SNX14: variants seen among roughly 807,000 people sequenced by gnomAD.
SNX14 encodes sorting nexin-14.
Under a neutral mutation model 133.8 loss-of-function variants are expected in SNX14, and 93 were observed. The observed-to-expected ratio is 0.70, with a 90% CI of 0.59 to 0.83. SNX14 has a LOEUF of 0.83. Among genes scored for constraint, SNX14 ranks in the 40% least tolerant of loss-of-function variants. SNX14 has a pLI of 0.00. For missense variants in SNX14, 945 were observed against 1,094.9 expected (o/e 0.86, Z 1.93); for synonymous variants, 368 against 365.6 (o/e 1.01, Z -0.07).
chr6:85,593,412 C>T lies in SNX14; in HGVS notation c.140+167G>A, dbSNP rs1468578086. ...CCACCCCACCGGCCTGTGCTTCCGG[C>T]CTCGACGCTCCGCCGTGCTCCCCGA... On this transcript the variant is annotated intron_variant, in intron 1 of 28. Coordinates refer to ENST00000314673, the MANE Select transcript of SNX14 (RefSeq NM_153816.6). Among the ~76,000 whole-genome samples the T allele has an allele frequency of 2.0e-5, 3 of 152,232 alleles. No homozygotes were observed. The East Asian group carries it at 5.8e-4, about 29-fold the overall frequency.
At chr6:85,538,931 C>G in intron 15 of SNX14, 67 bp from the exon 16 acceptor site, 1 of 1,380,300 alleles carries the variant, frequency 7.2e-7, no homozygotes, top group Non-Finnish European at 9.9e-7. Flanking sequence ...ATTATATAAA[C>G]TTCATTTTAG....
chr6:85,572,257 G>A (rs1161335139), intron 3 of SNX14, 41 bp downstream of exon 3: 1 of 1,608,506 alleles, frequency 6.2e-7, no homozygotes, highest in Admixed American at 1.7e-5. Flanking sequence ...AAATCCAAAT[G>A]TAATTAGAAG....
chr6:85,511,973 G>T (rs890223910), intron 26 of SNX14, among the ~76,000 whole-genome samples: 5 of 152,148 alleles, frequency 3.3e-5, no homozygotes, highest in Admixed American at 2.6e-4. Flanking sequence ...CCTAGGAGGG[G>T]GTCTCAATCT....
At chr6:85,593,300 G>A (rs1352486727) in intron 1 of SNX14, among the ~76,000 whole-genome samples, 1 of 152,220 alleles carries the variant, frequency 6.6e-6, no homozygotes, top group Admixed American at 6.5e-5. Context: ...CTTTTGAAAA[G>A]CAACGAAGAT....
At chr6:85,558,791 G>T (rs983094511) in intron 6 of SNX14, among the ~76,000 whole-genome samples, 4 of 151,950 alleles carry the variant, frequency 2.6e-5, no homozygotes, top group African/African-American at 9.7e-5. Context: ...CTGGTTTCAA[G>T]ATATATGGAA....
At chr6:85,588,530 T>C (rs1044343579) in intron 1 of SNX14, among the ~76,000 whole-genome samples, 2 of 152,090 alleles carry the variant, frequency 1.3e-5, no homozygotes, top group African/African-American at 4.8e-5. Flanking sequence ...TGAGCCAAGA[T>C]AGCGCCACTG....
At chr6:85,519,471 T>G (rs144546530) in intron 21 of SNX14, among the ~76,000 whole-genome samples, 238 of 152,286 alleles carry the variant, frequency 1.6e-3, no homozygotes, top group African/African-American at 5.2e-3. Context: ...TCTACAGATA[T>G]TTAAAAATTA....
Position 85,558,338 on chromosome 6 carries a change from T to C in SNX14, c.550-278A>G, listed in dbSNP as rs151281278. Among the ~76,000 whole-genome samples, 7 of 152,326 alleles carry C rather than the reference T, an allele frequency of 4.6e-5. No individual in the cohort carries two copies. In the East Asian group the frequency reaches 1.3e-3, roughly 29 times the overall value. On this transcript the variant is annotated intron_variant, in intron 6 of 28. Transcript: ENST00000314673. ...TAGCTTCTTTACGTGTTCTTTGTAT[T>C]AAATGCGTTCAAGGAAAACTCCAGT...
At chr6:85,589,251 TAG>T (rs779550007) in intron 1 of SNX14, 10 of 179,754 alleles carry the variant, frequency 5.6e-5, no homozygotes, top group Admixed American at 3.5e-4. Flanking sequence ...TTTTTTGAGA[TAG>T]AGTCTCACTC....
intron 1 of SNX14, among the ~76,000 whole-genome samples, chr6:85,578,443 G>C (rs562361326): frequency 4.8e-4 from 73 of 152,042 alleles, no homozygotes; most frequent in Non-Finnish European, 6.3e-4. Flanking sequence ...AAGGGAAGAG[G>C]GGGGTATCCT....
chr6:85,521,625 T>C (rs1042199843), intron 21 of SNX14, among the ~76,000 whole-genome samples: 4 of 152,248 alleles, frequency 2.6e-5, no homozygotes, highest in African/African-American at 9.6e-5. Context: ...TTCACTCTGC[T>C]GCTTGTTTCC....
chr6:85,583,251 T>A lies in SNX14; in HGVS notation c.141-8873A>T, dbSNP rs1340060956. On this transcript the variant is annotated intron_variant, in intron 1 of 28. Transcript: ENST00000314673. ...ATCAATAAACTAGGTATTCATGGAA[T>A]CTATCTCAAAATAATAAGAGTTATT... 4.6e-4 allele frequency among the ~76,000 whole-genome samples: 70 copies of A among 152,142 alleles called. 1 individual carries two copies. Among genetic ancestry groups the A allele is most frequent in the Admixed American group, 4.6e-3 (70 of 15,262 alleles).
intron 1 of SNX14, among the ~76,000 whole-genome samples, chr6:85,586,230 T>C (rs2128235689): frequency 6.6e-6 from 1 of 152,330 alleles, no homozygotes; most frequent in Non-Finnish European, 1.5e-5. Flanking sequence ...AGTATACCTG[T>C]TTTTGTATGC....
At chr6:85,552,068 G>T (rs892251609) in intron 7 of SNX14, among the ~76,000 whole-genome samples, 1 of 126,746 alleles carries the variant, frequency 7.9e-6, no homozygotes. Context: ...ACGGAGTCTC[G>T]CTCTGTCGCC....
chr6:85,533,581 G>T lies in SNX14; in HGVS notation c.1810+18C>A, dbSNP rs1321452025. On this transcript the variant is annotated intron_variant, in intron 18 of 28. Coordinates refer to ENST00000314673, the MANE Select transcript of SNX14 (RefSeq NM_153816.6). ...TTCATGGGCATCTTTTAAGAAAGGT[G>T]CTCAGAAAGCTTCCTACCTGCTCTT... 6.2e-7 allele frequency: 1 copy of T among 1,606,768 alleles called. No individual in the cohort carries two copies. The highest frequency in any genetic ancestry group is 1.7e-5 in the Admixed American group (1 of 59,246).
Position 85,513,833 on chromosome 6 carries a change from G to C in SNX14, c.2620C>G (p.Gln874Glu). Residue 874 changes from glutamine to glutamate, a missense_variant, in exon 26 of 29, where the codon CAG (glutamine) becomes GAG (glutamate). By Grantham distance (29) the Gln-to-Glu change is conservative. Around this residue, in one of 3 missense-constraint regions of SNX14, gnomAD observed 412 missense variants for 516.6 expected, o/e 0.80. Transcript: ENST00000314673. ...TAATTCATCATTTCTTCAAAAGTCTGTTTTGCTCCTTTTTGCTTATCTTGG... is the reference window on the plus strand; with the variant it reads ...TAATTCATCATTTCTTCAAAAGTCTCTTTTGCTCCTTTTTGCTTATCTTGG... ...SLQDKQKGAK[Q>E]TFEEMMNYIP... The C allele has an allele frequency of 6.2e-7, 1 of 1,612,840 alleles. No individual in the cohort carries two copies. Among genetic ancestry groups the C allele is most frequent in the Non-Finnish European group, 8.5e-7 (1 of 1,179,516 alleles).
At chr6:85,563,565 G>A (rs1792562823) in intron 6 of SNX14, among the ~76,000 whole-genome samples, 1 of 151,972 alleles carries the variant, frequency 6.6e-6, no homozygotes, top group Non-Finnish European at 1.5e-5. Context: ...CTAATTTTTT[G>A]TATTTTTAGT....
At chr6:85,533,200 T>C (rs576732010) in intron 18 of SNX14, among the ~76,000 whole-genome samples, 2 of 152,306 alleles carry the variant, frequency 1.3e-5, no homozygotes, top group East Asian at 3.9e-4. Flanking sequence ...TTTTCATCAA[T>C]TCTAATTAGC....
intron 18 of SNX14, among the ~76,000 whole-genome samples, chr6:85,532,809 C>T (rs1390633567): frequency 6.6e-6 from 1 of 152,194 alleles, no homozygotes; most frequent in Non-Finnish European, 1.5e-5. Context: ...GTCTCTATTA[C>T]AGTCTATACC....
Sources: gnomAD v4.1 joint callset for allele counts (sites outside exome capture counted in the v4.1 genomes callset) on GRCh38, gnomAD v4.1.1 for gene constraint, gnomAD v4.1.1 regional missense constraint, MANE v1.5 for transcripts, NCBI Gene and HGNC (gene_info 2026-07-23, HGNC 2026-07-21) for gene names.